The following CRHR1 variants were observed in gnomAD, a reference collection of about 807,000 sequenced individuals.
The protein encoded by CRHR1 is corticotropin releasing hormone receptor 1, also known as corticotropin-releasing hormone receptor 1.
A neutral mutation model predicts 56.0 loss-of-function variants in CRHR1; 28 were observed. The observed-to-expected ratio is 0.50, with a 90% CI of 0.37 to 0.69. The LOEUF is 0.69. Ranked by LOEUF, CRHR1 falls within the 30% of genes least tolerant of loss-of-function variation. The probability of loss-of-function intolerance (pLI) is 0.00; values close to 1 mark genes in which losing one functional copy is unlikely to be tolerated. For missense variants in CRHR1, 376 were observed against 548.0 expected (o/e 0.69, Z 3.13); for synonymous variants, 195 against 216.5 (o/e 0.90, Z 0.87).
rs190037135 is a variant in CRHR1 at position 45,814,283 on chromosome 17, T to C, written c.122-2180T>C. On this transcript the variant is annotated intron_variant, in intron 2 of 12. Transcript: ENST00000314537. ...TGGTGCCATTAAATGAGATGGCATA[T>C]GTCATGTGTGCCTGGCACACAGTCA... is the stretch of plus-strand genomic sequence containing the variant. 1.2e-4 allele frequency among the ~76,000 whole-genome samples: 19 copies of C among 152,322 alleles called. No individual in the cohort carries two copies. The East Asian group carries it at 3.5e-3, about 28-fold the overall frequency.
intron 10 of CRHR1, 81 bp downstream of exon 10, chr17:45,833,618 A>C (rs1349081201): frequency 1.3e-6 from 2 of 1,590,716 alleles, no homozygotes; most frequent in Non-Finnish European, 1.7e-6. Flanking sequence ...GAGACCTGCC[A>C]CTCCCTCCCC....
chr17:45,790,505 A>T (rs940025828), intron 1 of CRHR1, among the ~76,000 whole-genome samples: 39 of 152,292 alleles, frequency 2.6e-4, no homozygotes, highest in African/African-American at 8.9e-4. Flanking sequence ...CAGCCATAAA[A>T]CTGTTTCTGG....
intron 1 of CRHR1, among the ~76,000 whole-genome samples, chr17:45,805,435 G>T (rs2061701786): frequency 6.6e-6 from 1 of 152,074 alleles, no homozygotes; most frequent in South Asian, 2.1e-4. Context: ...CAAGGGACTT[G>T]ACAAGCCCCT....
At chr17:45,830,306 C>T (rs1444497720) in intron 6 of CRHR1, 92 bp downstream of exon 6, 25 of 1,594,722 alleles carry the variant, frequency 1.6e-5, no homozygotes, top group Non-Finnish European at 2.1e-5. Context: ...GCCCACAGAA[C>T]AGGAGTGGGA....
At chr17:45,804,331 G>C (rs2061681124) in intron 1 of CRHR1, among the ~76,000 whole-genome samples, 1 of 152,182 alleles carries the variant, frequency 6.6e-6, no homozygotes, top group Non-Finnish European at 1.5e-5. Flanking sequence ...GTATCAGCAA[G>C]GGAATGGAGT....
chr17:45,823,615 G>A (rs992971738), intron 4 of CRHR1, among the ~76,000 whole-genome samples: 18 of 152,274 alleles, frequency 1.2e-4, no homozygotes, highest in Non-Finnish European at 2.1e-4. Context: ...CCGGAACCCA[G>A]GGCTTTGGAG....
intron 1 of CRHR1, among the ~76,000 whole-genome samples, chr17:45,806,784 G>C (rs908134762): frequency 6.6e-6 from 1 of 152,118 alleles, no homozygotes; most frequent in Non-Finnish European, 1.5e-5. Context: ...TCCCTGCCAG[G>C]CCCCTCCAAG....
At chr17:45,818,697 G>A (rs571754860) in intron 3 of CRHR1, among the ~76,000 whole-genome samples, 8 of 152,268 alleles carry the variant, frequency 5.3e-5, no homozygotes, top group East Asian at 1.9e-4. Context: ...GAGCACGCCC[G>A]TGCAGTCAGT....
chr17:45,809,596 C>T lies in CRHR1; in HGVS notation c.121+2499C>T, dbSNP rs1185531268. On this transcript the variant is annotated intron_variant, in intron 2 of 12. Transcript: ENST00000314537. ...ATGGCACGCGATCCATCACCCTCCACGATGGCCTCTGATAATGGGCCATTT... is the reference window on the plus strand; with the variant it reads ...ATGGCACGCGATCCATCACCCTCCATGATGGCCTCTGATAATGGGCCATTT... 8.5e-5 allele frequency among the ~76,000 whole-genome samples: 13 copies of T among 152,374 alleles called. No individual in the cohort carries two copies. In the South Asian group the frequency reaches 1.7e-3, roughly 19 times the overall value.
At chr17:45,794,080 AG>A (rs778251662) in intron 1 of CRHR1, among the ~76,000 whole-genome samples, 4 of 152,174 alleles carry the variant, frequency 2.6e-5, no homozygotes, top group Non-Finnish European at 4.4e-5. Flanking sequence ...CAGCCAAAGC[AG>A]GGCTCTCAAA....
chr17:45,802,434 AAAACCACAG>A (rs2061640572), intron 1 of CRHR1, among the ~76,000 whole-genome samples: 1 of 152,252 alleles, frequency 6.6e-6, no homozygotes, highest in East Asian at 1.9e-4. Flanking sequence ...ATGGAGATAG[AAAACCACAG>A]TGGAGCTTGA....
intron 3 of CRHR1, among the ~76,000 whole-genome samples, chr17:45,819,924 CAGAGG>C (rs2062006688): frequency 6.6e-6 from 1 of 152,216 alleles, no homozygotes; most frequent in Non-Finnish European, 1.5e-5. Flanking sequence ...ATGCTGCCAG[CAGAGG>C]CAGCTCCCAG....
At chr17:45,830,016 G>A (rs1380830771) in intron 5 of CRHR1, 78 bp from the exon 6 acceptor site, 1 of 1,592,978 alleles carries the variant, frequency 6.3e-7, no homozygotes, top group African/African-American at 1.3e-5. Flanking sequence ...ACACATCTGG[G>A]CTGGGGTGAT....
intron 1 of CRHR1, among the ~76,000 whole-genome samples, chr17:45,801,017 TG>T: frequency 6.6e-6 from 1 of 152,362 alleles, no homozygotes; most frequent in African/African-American, 2.4e-5. Context: ...TTATGGTCTC[TG>T]ATAAGCATTT....
At chr17:45,806,924 C>T in intron 1 of CRHR1, 86 bp from the exon 2 acceptor site, 2 of 1,183,676 alleles carry the variant, frequency 1.7e-6, no homozygotes, top group East Asian at 2.4e-5. Context: ...TGCAGTGTCA[C>T]CCCTGCAGTT....
At chr17:45,832,576 A>G (rs1227192182) in intron 8 of CRHR1, among the ~76,000 whole-genome samples, 1 of 152,208 alleles carries the variant, frequency 6.6e-6, no homozygotes, top group Non-Finnish European at 1.5e-5. Flanking sequence ...TCTGGTCCCC[A>G]CCCACTCCCC....
Position 45,813,656 on chromosome 17 carries a change from G to A in CRHR1, c.122-2807G>A, listed in dbSNP as rs549301695. 1.5e-4 allele frequency among the ~76,000 whole-genome samples: 23 copies of A among 152,312 alleles called. No individual in the cohort carries two copies. The South Asian group carries it at 4.6e-3, about 30-fold the overall frequency. ...ATCAGGGCCAGCTGTGCAGCTGTGG[G>A]CAGCACCCTGAGCTGGCATCAAAAG... On this transcript the variant is annotated intron_variant, in intron 2 of 12. Coordinates refer to ENST00000314537, the MANE Select transcript of CRHR1 (RefSeq NM_004382.5).
intron 2 of CRHR1, among the ~76,000 whole-genome samples, chr17:45,813,306 C>A (rs996189506): frequency 6.6e-6 from 1 of 152,146 alleles, no homozygotes; most frequent in Non-Finnish European, 1.5e-5. Context: ...CCACGCCCCC[C>A]CAACCCCCCC....
chr17:45,804,433 G>A (rs1568041180), intron 1 of CRHR1, among the ~76,000 whole-genome samples: 1 of 152,152 alleles, frequency 6.6e-6, no homozygotes, highest in Non-Finnish European at 1.5e-5. Context: ...ACGAGGAGTG[G>A]GCACTCTTCC....
Sources: allele counts gnomAD v4.1 joint callset (sites outside exome capture counted in the v4.1 genomes callset), GRCh38; gene constraint gnomAD v4.1.1; transcripts MANE v1.5; gene names NCBI Gene and HGNC (gene_info 2026-07-23, HGNC 2026-07-21).